The following UGT1A3 variants were observed in gnomAD, a reference collection of about 807,000 sequenced individuals.
UGT1A3 encodes the protein UDP-glucuronosyltransferase 1A3.
UGT1A3 carries 31 observed loss-of-function variants against 41.0 expected under a neutral mutation model. The observed-to-expected ratio is 0.76, with a 90% CI of 0.57 to 1.02. The LOEUF is 1.02. Ranked by LOEUF, UGT1A3 falls within the 50% of genes least tolerant of loss-of-function variation. The pLI, the probability that UGT1A3 is intolerant of heterozygous loss-of-function variation, is 0.00. For missense variants in UGT1A3, 737 were observed against 671.0 expected, an observed-to-expected ratio of 1.10 and a Z score of -1.09; for synonymous variants, 262 against 257.6, an observed-to-expected ratio of 1.02 and a Z score of -0.17.
chr2:233,772,111 T>C (rs1459691465), intron 4 of UGT1A3, 151 bp from the exon 5 acceptor site: 1 of 1,527,060 alleles, frequency 6.5e-7, no homozygotes, highest in East Asian at 2.5e-5. Context: ...AGACTCTGTA[T>C]CTAAAAACAA....
At chr2:233,733,973 G>A (rs2078462378) in intron 1 of UGT1A3, among the ~76,000 whole-genome samples, 1 of 152,034 alleles carries the variant, frequency 6.6e-6, no homozygotes, top group African/African-American at 2.4e-5. Flanking sequence ...GGGGGAGCGG[G>A]GAGGGATAGC....
At chr2:233,755,117 C>T (rs1274976698) in intron 1 of UGT1A3, 1 of 1,330,518 alleles carries the variant, frequency 7.5e-7, no homozygotes, top group Admixed American at 1.9e-5. Flanking sequence ...CCTCGTAGGC[C>T]TCAGCCACCT....
At position 233,772,792 on chromosome 2, in the gene UGT1A3, A is replaced by C; in HGVS notation, c.*233A>C. 2.5e-6 allele frequency: 3 copies of C among 1,219,898 alleles called. No individual in the cohort carries two copies. Among genetic ancestry groups the C allele is most frequent in the Non-Finnish European group, 3.3e-6 (3 of 917,948 alleles). The allele number at this position is 1,219,898 out of a possible 1,614,324, so 75.6% of individuals were successfully genotyped here. On this transcript the variant is annotated 3_prime_UTR_variant, in exon 5 of 5. Transcript: ENST00000482026. ...CTCTGGTGTCTTTGATCAGGATGAC[A>C]TGTGCCATTTTTCAGAGGACGTGCA...
At chr2:233,760,401 C>T (rs2125983506) in intron 1 of UGT1A3, 1 of 1,614,220 alleles carries the variant, frequency 6.2e-7, no homozygotes, top group Non-Finnish European at 8.5e-7. Flanking sequence ...TGGATGGCAG[C>T]CACTGGCTGA....
At chr2:233,757,220 A>C (rs1182388011) in intron 1 of UGT1A3, among the ~76,000 whole-genome samples, 1 of 147,936 alleles carries the variant, frequency 6.8e-6, no homozygotes, top group Non-Finnish European at 1.5e-5. Flanking sequence ...GCTGCTGACC[A>C]AGGTTCCAGA....
rs67292694 is a variant in UGT1A3 at position 233,757,535 on chromosome 2, A to AATATATATAT, written c.868-9482_868-9473dup. Among the ~76,000 whole-genome samples the AATATATATAT allele has an allele frequency of 5.8e-3, 509 of 88,260 alleles. 17 individuals are homozygous for AATATATATAT. Among genetic ancestry groups the AATATATATAT allele is most frequent in the African/African-American group, 0.017 (333 of 19,902 alleles). The allele number at this position is 88,260 out of a possible 152,430, so 57.9% of individuals were successfully genotyped here. A position where few individuals can be genotyped will look rare whatever the true frequency, so the allele number is the denominator to read the frequency against. On this transcript the variant is annotated intron_variant, in intron 1 of 4. Coordinates refer to ENST00000482026, the MANE Select transcript of UGT1A3 (RefSeq NM_019093.4). ...CAAAGCCAAAATCTTGCCTGTAAGG[A>AATATATATAT]ATATATATATATATATATATATATA...
intron 1 of UGT1A3, among the ~76,000 whole-genome samples, chr2:233,732,992 G>A (rs1489601833): frequency 1.3e-5 from 2 of 152,152 alleles, no homozygotes; most frequent in Non-Finnish European, 2.9e-5. Context: ...TCGTTGAGCA[G>A]TGGTTTGTAG....
chr2:233,755,330 C>G (rs1695864854), intron 1 of UGT1A3: 1 of 463,614 alleles, frequency 2.2e-6, no homozygotes, highest in Non-Finnish European at 3.7e-6. Context: ...TGCCAGCACC[C>G]GCGCACAGGT....
chr2:233,732,187 T>A (rs1208942710), intron 1 of UGT1A3, among the ~76,000 whole-genome samples: 3 of 152,250 alleles, frequency 2.0e-5, no homozygotes, highest in African/African-American at 7.2e-5. Flanking sequence ...ATTCTGGATA[T>A]TAGCCCTTTG....
At chr2:233,762,731 G>A (rs574048851) in intron 1 of UGT1A3, among the ~76,000 whole-genome samples, 140 of 149,512 alleles carry the variant, frequency 9.4e-4, no homozygotes, top group African/African-American at 3.3e-3. Context: ...TTTTTTTTTG[G>A]TCACTACTGT....
chr2:233,743,427 G>A, intron 1 of UGT1A3: 2 of 1,349,658 alleles, frequency 1.5e-6, no homozygotes, highest in South Asian at 2.3e-5. Context: ...GGGAGCCAAA[G>A]GAACGAAATC....
chr2:233,730,079 T>A, intron 1 of UGT1A3, 86 bp downstream of exon 1: 1 of 1,605,320 alleles, frequency 6.2e-7, no homozygotes, highest in African/African-American at 1.3e-5. Context: ...CTTCCATATT[T>A]ACTTATCTTT....
intron 1 of UGT1A3, chr2:233,755,175 G>T: frequency 8.0e-7 from 1 of 1,245,528 alleles, no homozygotes; most frequent in Non-Finnish European, 1.1e-6. Context: ...GTTTTTGTCG[G>T]GGTGCCACTT....
rs765243640 is a variant in UGT1A3 at position 233,729,276 on chromosome 2, G to C, written c.150G>C (p.Glu50Asp). 57 of 1,614,114 alleles carry C rather than the reference G, an allele frequency of 3.5e-5. No homozygotes were observed. Among genetic ancestry groups the C allele is most frequent in the African/African-American group, 5.3e-5 (4 of 74,932 alleles). Residue 50 changes from glutamate (E) to aspartate (D), a missense_variant, in exon 1 of 5, where the codon GAG becomes GAC. Coordinates refer to ENST00000482026, the MANE Select transcript of UGT1A3 (RefSeq NM_019093.4). ...TCAGCATGCGGGAGGTCTTGCGGGA[G>C]CTCCATGCCAGAGGCCACCAGGCAG... is the stretch of plus-strand genomic sequence containing the variant. ...HWLSMREVLR[E>D]LHARGHQAVV... is the part of the protein sequence containing the mutation.
chr2:233,767,880 C>G lies in UGT1A3; in HGVS notation c.1031C>G (p.Ser344Trp), dbSNP rs144978321. Reference sequence around the variant, plus strand: ...TGGCGGTACACTGGAACCCGACCATCGAATCTTGCGAACAACACGATACTT... The same window carrying G: ...TGGCGGTACACTGGAACCCGACCATGGAATCTTGCGAACAACACGATACTT... Reference protein sequence around the residue: ...VLWRYTGTRPSNLANNTILVK... With the variant: ...VLWRYTGTRPWNLANNTILVK... Residue 344 changes from serine to tryptophan, a missense_variant, in exon 3 of 5, where the codon TCG becomes TGG. By Grantham distance (177) the Ser-to-Trp change is radical. Transcript: ENST00000482026. 6.2e-7 allele frequency: 1 copy of G among 1,614,168 alleles called. No individual in the cohort carries two copies. The highest frequency in any genetic ancestry group is 1.7e-5 in the Admixed American group (1 of 60,018).
At chr2:233,757,272 A>G (rs1186408915) in intron 1 of UGT1A3, among the ~76,000 whole-genome samples, 15 of 122,852 alleles carry the variant, frequency 1.2e-4, no homozygotes, top group East Asian at 8.4e-4. Context: ...AGCCGATGCA[A>G]TGATTCAGAA....
rs3213726 is a variant in UGT1A3, at chr2:233,766,877, C to A, written c.868-157C>A. ...GAAGGAAGTAAAGGAGAGGAAAATG[C>A]TGTAAAACTTACATATTAATAATTT... On this transcript the variant is annotated intron_variant, in intron 1 of 4. Coordinates refer to ENST00000482026, the MANE Select transcript of UGT1A3 (RefSeq NM_019093.4). Among the ~76,000 whole-genome samples, 50 of 152,336 alleles carry A rather than the reference C, an allele frequency of 3.3e-4. No homozygotes were observed. The East Asian group carries it at 9.2e-3, about 28-fold the overall frequency.
intron 1 of UGT1A3, chr2:233,747,984 C>G: frequency 6.2e-7 from 1 of 1,613,422 alleles, no homozygotes; most frequent in South Asian, 1.1e-5. Context: ...GTGGCTGTTC[C>G]GAGGGGACTT....
In UGT1A3 at chr2:233,769,743, C is replaced by T. The variant is rs1376344823; in HGVS notation, c.1307+1304C>T. Reference sequence around the variant, plus strand: ...CATGGCACACGCCTGTAGTCCCAGCCACTCTGGAGGCTAAGGCGGGAGGAT... The same window carrying T: ...CATGGCACACGCCTGTAGTCCCAGCTACTCTGGAGGCTAAGGCGGGAGGAT... On this transcript the variant is annotated intron_variant, in intron 4 of 4. Coordinates refer to ENST00000482026, the MANE Select transcript of UGT1A3 (RefSeq NM_019093.4). The surrounding 1 kb of genome is among the most constrained non-coding windows in gnomAD (Gnocchi z 4.4). The T allele has an allele frequency of 1.2e-5, 17 of 1,445,490 alleles. No homozygotes were observed. The East Asian group carries it at 4.3e-4, about 36-fold the overall frequency. 89.5% of individuals were successfully genotyped at this position (1,445,490 alleles called of 1,614,324 possible).
Sources: gnomAD v4.1 joint callset for allele counts (sites outside exome capture counted in the v4.1 genomes callset) on GRCh38, gnomAD v4.1.1 for gene constraint, Gnocchi (gnomAD v3.1) non-coding constraint, MANE v1.5 for transcripts, NCBI Gene and HGNC (gene_info 2026-07-23, HGNC 2026-07-21) for gene names.